Variants in ZFAND6 observed in about 807,000 individuals in gnomAD.
ZFAND6 encodes the protein AN1-type zinc finger protein 6.
ZFAND6 carries 12 observed loss-of-function variants against 24.5 expected under a neutral mutation model. That is an observed-to-expected ratio of 0.49 (90% CI 0.31 to 0.79). The LOEUF (loss-of-function observed/expected upper bound fraction) is 0.79, where lower values mean the gene tolerates loss of function less well. Ranked by LOEUF, ZFAND6 falls within the 30% of genes least tolerant of loss-of-function variation. ZFAND6 has a pLI of 0.04. For missense variants in ZFAND6, 207 were observed against 245.9 expected (o/e 0.84, Z 1.06); for synonymous variants, 92 against 81.5 (o/e 1.13, Z -0.69).
intron 1 of ZFAND6, among the ~76,000 whole-genome samples, chr15:80,096,583 A>G (rs2038735212): frequency 6.6e-6 from 1 of 152,240 alleles, no homozygotes; most frequent in African/African-American, 2.4e-5. Context: ...AATGTTAAAT[A>G]TTTCAGCATT....
At chr15:80,128,224 A>G (rs2040454207) in intron 5 of ZFAND6, among the ~76,000 whole-genome samples, 1 of 152,198 alleles carries the variant, frequency 6.6e-6, no homozygotes. Flanking sequence ...ATGTGACTTA[A>G]ATGTTCTGAA....
chr15:80,120,549 G>C lies in ZFAND6; in HGVS notation c.154+51G>C, dbSNP rs751524920. 2.2e-6 allele frequency: 3 copies of C among 1,394,326 alleles called. No homozygotes were observed. In the East Asian group the frequency reaches 7.7e-5, roughly 36 times the overall value. 86.4% of individuals were successfully genotyped at this position (1,394,326 alleles called of 1,614,324 possible). ...TATATTCATAATTGAAATACAAGTGGATATTTCGGTATACCCAATACCTTT... is the reference window on the plus strand; with the variant it reads ...TATATTCATAATTGAAATACAAGTGCATATTTCGGTATACCCAATACCTTT... On this transcript the variant is annotated intron_variant, in intron 3 of 6. Transcript: ENST00000261749.
At chr15:80,103,345 A>G (rs2039135864) in intron 2 of ZFAND6, among the ~76,000 whole-genome samples, 1 of 152,160 alleles carries the variant, frequency 6.6e-6, no homozygotes, top group Non-Finnish European at 1.5e-5. Flanking sequence ...ATACATACCT[A>G]ATTGTGTAGT....
chr15:80,106,491 T>C (rs1215117907), intron 2 of ZFAND6, among the ~76,000 whole-genome samples: 2 of 152,180 alleles, frequency 1.3e-5, no homozygotes, highest in African/African-American at 2.4e-5. Context: ...AATTGCTCTC[T>C]GGTGCTTTAG....
chr15:80,068,175 G>T (rs940257208), intron 1 of ZFAND6, among the ~76,000 whole-genome samples: 1 of 148,670 alleles, frequency 6.7e-6, no homozygotes, highest in South Asian at 2.1e-4. Context: ...GAGACATGGT[G>T]TTGCCTTTGT....
intron 1 of ZFAND6, among the ~76,000 whole-genome samples, 177 bp from the exon 2 acceptor site, chr15:80,098,239 T>C (rs1337508905): frequency 6.6e-6 from 1 of 152,246 alleles, no homozygotes; most frequent in East Asian, 1.9e-4. Context: ...ATTAGTTATA[T>C]GCATATTGTT....
intron 2 of ZFAND6, among the ~76,000 whole-genome samples, chr15:80,101,168 A>T (rs1016000526): frequency 6.6e-6 from 1 of 152,216 alleles, no homozygotes; most frequent in Non-Finnish European, 1.5e-5. Flanking sequence ...GTAGAATAGA[A>T]ATCTTTACTC....
chr15:80,061,108 C>G (rs2036308945), intron 1 of ZFAND6, among the ~76,000 whole-genome samples: 1 of 152,066 alleles, frequency 6.6e-6, no homozygotes, highest in African/African-American at 2.4e-5. Flanking sequence ...TCTCCAGAGC[C>G]CTAGGGGAAA....
intron 1 of ZFAND6, 144 bp downstream of exon 1, chr15:80,059,953 CG>C (rs2036229179): frequency 1.3e-5 from 2 of 151,022 alleles, no homozygotes; most frequent in South Asian, 4.1e-4. Context: ...GGCGGCCGGC[CG>C]GCGCAGCAGG....
At chr15:80,098,335 C>T (rs928025533) in intron 1 of ZFAND6, 81 bp from the exon 2 acceptor site, 1 of 152,208 alleles carries the variant, frequency 6.6e-6, no homozygotes, top group Non-Finnish European at 1.5e-5. Context: ...AGCGAAAGCA[C>T]TCCTTAAAAT....
At chr15:80,098,940 C>A (rs2038884122) in intron 2 of ZFAND6, among the ~76,000 whole-genome samples, 1 of 151,684 alleles carries the variant, frequency 6.6e-6, no homozygotes, top group African/African-American at 2.4e-5. Flanking sequence ...TTTGACCAAA[C>A]AACCATAAAA....
intron 2 of ZFAND6, among the ~76,000 whole-genome samples, chr15:80,113,023 T>C (rs1324776640): frequency 6.9e-6 from 1 of 145,910 alleles, no homozygotes; most frequent in Non-Finnish European, 1.5e-5. Flanking sequence ...GAGCTCGTCT[T>C]ACCTTTGTGT....
At chr15:80,089,003 A>G (rs1395745510) in intron 1 of ZFAND6, among the ~76,000 whole-genome samples, 2 of 151,816 alleles carry the variant, frequency 1.3e-5, no homozygotes, top group Admixed American at 6.6e-5. Flanking sequence ...CAGTATCCTC[A>G]TCTCAACGTG....
In ZFAND6 at chr15:80,137,434, A is replaced by G. The variant is rs369496772; in HGVS notation, c.479-46A>G. 1.0e-5 allele frequency: 16 copies of G among 1,569,042 alleles called. No individual in the cohort carries two copies. In the African/African-American group the frequency reaches 1.8e-4, roughly 18 times the overall value. On this transcript the variant is annotated intron_variant, in intron 6 of 6. Coordinates refer to ENST00000261749, the MANE Select transcript of ZFAND6 (RefSeq NM_019006.4). ...CAGTATTAATTATGCCAAAGACCTT[A>G]ATATTTCATCCTTCAACTCATGTAT...
intron 1 of ZFAND6, chr15:80,072,473 A>G (rs1411781058): frequency 2.6e-5 from 4 of 152,062 alleles, no homozygotes; most frequent in African/African-American, 9.7e-5. Context: ...AATAATGGAT[A>G]TTAGCCGTAT....
At chr15:80,105,005 G>A (rs976552865) in intron 2 of ZFAND6, among the ~76,000 whole-genome samples, 2 of 152,084 alleles carry the variant, frequency 1.3e-5, no homozygotes, top group African/African-American at 4.8e-5. Context: ...TAAGGTGGTG[G>A]GATTCCCTGT....
At chr15:80,132,479 G>T (rs77715178) in intron 6 of ZFAND6, among the ~76,000 whole-genome samples, 5,045 of 152,250 alleles carry the variant, frequency 0.033, 271 homozygotes, top group East Asian at 0.22. Context: ...TATTAAGTGA[G>T]AGTGGCAAAA....
intron 1 of ZFAND6, among the ~76,000 whole-genome samples, chr15:80,095,993 A>C (rs1172118778): frequency 1.3e-5 from 2 of 152,218 alleles, no homozygotes; most frequent in Non-Finnish European, 2.9e-5. Context: ...TTGATCTATC[A>C]GTACAATGGA....
intron 6 of ZFAND6, 168 bp downstream of exon 6, chr15:80,131,461 A>C: frequency 3.9e-6 from 2 of 515,154 alleles, no homozygotes; most frequent in East Asian, 3.1e-5. Context: ...TTGATTATAC[A>C]CCTAAAAGTG....
Sources: gnomAD v4.1 joint callset for allele counts (sites outside exome capture counted in the v4.1 genomes callset) on GRCh38, gnomAD v4.1.1 for gene constraint, MANE v1.5 for transcripts, NCBI Gene and HGNC (gene_info 2026-07-23, HGNC 2026-07-21) for gene names.